The following EBF1 variants were observed in gnomAD, a reference collection of about 807,000 sequenced individuals.
EBF1 encodes the protein transcription factor COE1.
In EBF1, 10 loss-of-function variants were observed where a neutral mutation model predicts 68.4. The ratio of observed to expected loss-of-function variants is 0.15; its 90% confidence interval spans 0.09 to 0.25. The LOEUF (loss-of-function observed/expected upper bound fraction) is 0.25, where lower values mean the gene tolerates loss of function less well. Ranked by LOEUF, EBF1 falls within the 10% of genes least tolerant of loss-of-function variation. EBF1 has a pLI of 1.00. For synonymous variants in EBF1, 298 were observed against 299.8 expected, an observed-to-expected ratio of 0.99 and a Z score of 0.06; for missense variants, 509 against 794.4, an observed-to-expected ratio of 0.64 and a Z score of 4.32.
In EBF1 at chr5:158,834,233, G is replaced by A. The variant is rs150674153; in HGVS notation, c.636+5796C>T. On this transcript the variant is annotated intron_variant, in intron 7 of 15. Coordinates refer to ENST00000313708, the MANE Select transcript of EBF1 (RefSeq NM_024007.5). Reference sequence around the variant, plus strand: ...AAGGTTGAATTGTCTGGCTCCTGTCGGTTAAAAATCAGACCGAAGCATGGT... The same window carrying A: ...AAGGTTGAATTGTCTGGCTCCTGTCAGTTAAAAATCAGACCGAAGCATGGT... Among the ~76,000 whole-genome samples, 382 of 152,164 alleles carry A rather than the reference G, an allele frequency of 2.5e-3. 2 individuals are homozygous for A. Among genetic ancestry groups the A allele is most frequent in the African/African-American group, 8.3e-3 (345 of 41,502 alleles).
intron 6 of EBF1, among the ~76,000 whole-genome samples, chr5:158,957,804 C>G (rs1817439176): frequency 6.6e-6 from 1 of 152,224 alleles, no homozygotes; most frequent in Non-Finnish European, 1.5e-5. Context: ...GATTGGCAAA[C>G]AGCCAATACC....
At chr5:158,876,065 G>A (rs1226944436) in intron 6 of EBF1, among the ~76,000 whole-genome samples, 1 of 152,184 alleles carries the variant, frequency 6.6e-6, no homozygotes, top group Non-Finnish European at 1.5e-5. Flanking sequence ...GCTTCATTTT[G>A]TGGATGCGAA....
chr5:158,848,669 T>A (rs1474986374), intron 6 of EBF1, among the ~76,000 whole-genome samples: 1 of 152,248 alleles, frequency 6.6e-6, no homozygotes, highest in East Asian at 1.9e-4. Context: ...CTTTTGTGTG[T>A]GTTTCATGCA....
At chr5:158,897,804 T>C (rs1802465182) in intron 6 of EBF1, among the ~76,000 whole-genome samples, 1 of 152,224 alleles carries the variant, frequency 6.6e-6, no homozygotes, top group Non-Finnish European at 1.5e-5. Flanking sequence ...TTCTTCCTTT[T>C]ATAAGATGAT....
intron 15 of EBF1, 198 bp downstream of exon 15, chr5:158,707,781 G>T: frequency 1.6e-6 from 1 of 617,144 alleles, no homozygotes; most frequent in Non-Finnish European, 2.7e-6. Flanking sequence ...CTCCAGCAGA[G>T]GAGAGATGAG....
intron 6 of EBF1, among the ~76,000 whole-genome samples, chr5:159,044,394 T>C (rs1472258415): frequency 2.0e-5 from 3 of 152,192 alleles, no homozygotes; most frequent in African/African-American, 7.2e-5. Context: ...CTAAAAACTA[T>C]TGTCTGAATA....
Position 158,990,850 on chromosome 5 carries a change from G to C in EBF1, c.554+82546C>G, listed in dbSNP as rs1411585529. Among the ~76,000 whole-genome samples the C allele has an allele frequency of 2.0e-5, 3 of 152,196 alleles. No homozygotes were observed. The South Asian group carries it at 6.2e-4, about 32-fold the overall frequency. Reference sequence around the variant, plus strand: ...CTTTACTCTCTTAGTTTCTCTGTCAGAGATAATCTCACTCAAGACATGGGC... The same window carrying C: ...CTTTACTCTCTTAGTTTCTCTGTCACAGATAATCTCACTCAAGACATGGGC... On this transcript the variant is annotated intron_variant, in intron 6 of 15. Transcript: ENST00000313708.
At chr5:158,872,655 C>T (rs1230579802) in intron 6 of EBF1, among the ~76,000 whole-genome samples, 1 of 152,174 alleles carries the variant, frequency 6.6e-6, no homozygotes, top group Non-Finnish European at 1.5e-5. Context: ...TAATTTATTC[C>T]TGGGCCACCA....
intron 6 of EBF1, among the ~76,000 whole-genome samples, chr5:158,874,500 G>A (rs923949139): frequency 2.0e-5 from 3 of 152,152 alleles, no homozygotes; most frequent in Non-Finnish European, 4.4e-5. Flanking sequence ...CTTGGTAAAT[G>A]TCTACCGAAA....
intron 6 of EBF1, among the ~76,000 whole-genome samples, chr5:158,902,764 T>C (rs1461946664): frequency 6.6e-6 from 1 of 152,052 alleles, no homozygotes; most frequent in Admixed American, 6.6e-5. Flanking sequence ...CCCAAAAGGC[T>C]TCTCGTATGG....
At chr5:159,030,013 T>C (rs1768453589) in intron 6 of EBF1, among the ~76,000 whole-genome samples, 1 of 151,466 alleles carries the variant, frequency 6.6e-6, no homozygotes, top group Admixed American at 6.6e-5. Context: ...TTGTAAATAA[T>C]AGTTGAAAAT....
chr5:159,077,748 T>C (rs1779040517), intron 5 of EBF1, among the ~76,000 whole-genome samples: 3 of 139,288 alleles, frequency 2.2e-5, no homozygotes, highest in African/African-American at 8.1e-5. Context: ...TGGTTTGCTT[T>C]TTTTTTTTTT....
chr5:158,856,854 C>G (rs537756674), intron 6 of EBF1, among the ~76,000 whole-genome samples: 38 of 152,310 alleles, frequency 2.5e-4, no homozygotes, highest in African/African-American at 8.4e-4. Context: ...GGCTAAGAAT[C>G]TGGGTTCCCT....
At chr5:158,818,475 T>C (rs1370446770) in intron 8 of EBF1, among the ~76,000 whole-genome samples, 2 of 152,180 alleles carry the variant, frequency 1.3e-5, no homozygotes, top group African/African-American at 4.8e-5. Context: ...ACAGTTGTAA[T>C]GTGACACTGC....
intron 6 of EBF1, among the ~76,000 whole-genome samples, chr5:158,934,016 G>A (rs1020815352): frequency 6.6e-6 from 1 of 152,222 alleles, no homozygotes; most frequent in East Asian, 1.9e-4. Context: ...CCCTCATTCA[G>A]TATCTATCGT....
At chr5:159,011,677 G>A (rs572550122) in intron 6 of EBF1, among the ~76,000 whole-genome samples, 24 of 152,208 alleles carry the variant, frequency 1.6e-4, no homozygotes, top group South Asian at 4.2e-4. Context: ...TCTTTTGTTA[G>A]AACCCCCCCT....
intron 8 of EBF1, among the ~76,000 whole-genome samples, chr5:158,820,394 G>A (rs1377821403): frequency 6.6e-6 from 1 of 152,140 alleles, no homozygotes; most frequent in African/African-American, 2.4e-5. Context: ...ACATGAATTA[G>A]CATCTAGGTC....
intron 6 of EBF1, among the ~76,000 whole-genome samples, chr5:158,936,673 T>G (rs1279373593): frequency 6.6e-6 from 1 of 152,202 alleles, no homozygotes; most frequent in East Asian, 1.9e-4. Context: ...CCAGCACATT[T>G]CCACTCCAGC....
At chr5:159,001,710 A>G (rs1389795586) in intron 6 of EBF1, among the ~76,000 whole-genome samples, 1 of 152,164 alleles carries the variant, frequency 6.6e-6, no homozygotes, top group African/African-American at 2.4e-5. Context: ...CCCTCCCCAA[A>G]ACAGATGAAG....
Sources: allele counts gnomAD v4.1 joint callset (sites outside exome capture counted in the v4.1 genomes callset), GRCh38; gene constraint gnomAD v4.1.1; transcripts MANE v1.5; gene names NCBI Gene and HGNC (gene_info 2026-07-23, HGNC 2026-07-21).